Variants in PLXDC2 observed in about 807,000 individuals in gnomAD.
PLXDC2 encodes plexin domain containing 2.
A neutral mutation model predicts 68.9 loss-of-function variants in PLXDC2; 40 were observed. That is an observed-to-expected ratio of 0.58 (90% CI 0.45 to 0.76). PLXDC2 has a LOEUF of 0.76. PLXDC2 is among the 30% of genes least tolerant of loss of function. PLXDC2 has a pLI of 0.00. For synonymous variants in PLXDC2, 243 were observed against 234.2 expected, an observed-to-expected ratio of 1.04 and a Z score of -0.34; for missense variants, 644 against 661.9, an observed-to-expected ratio of 0.97 and a Z score of 0.30.
chr10:20,231,048 G>T (rs1269126012), intron 12 of PLXDC2, among the ~76,000 whole-genome samples: 1 of 151,292 alleles, frequency 6.6e-6, no homozygotes, highest in African/African-American at 2.4e-5. Context: ...AAAATGATAA[G>T]TATATGAGGT....
chr10:20,150,194 T>C (rs1216103005), intron 6 of PLXDC2, among the ~76,000 whole-genome samples: 1 of 152,212 alleles, frequency 6.6e-6, no homozygotes, highest in Non-Finnish European at 1.5e-5. Context: ...CATCCATCAT[T>C]ATGGTGTCCT....
chr10:20,076,814 A>G (rs1291273217), intron 4 of PLXDC2, among the ~76,000 whole-genome samples: 1 of 152,158 alleles, frequency 6.6e-6, no homozygotes, highest in Non-Finnish European at 1.5e-5. Context: ...CTTGATCACC[A>G]TGGCTATACC....
intron 2 of PLXDC2, among the ~76,000 whole-genome samples, chr10:20,023,101 A>G (rs1012673056): frequency 5.5e-5 from 8 of 145,258 alleles, no homozygotes; most frequent in African/African-American, 2.0e-4. Flanking sequence ...TATATATAAT[A>G]TTTTAAATAT....
chr10:20,230,817 C>G (rs1050899549), intron 12 of PLXDC2, among the ~76,000 whole-genome samples: 2 of 144,500 alleles, frequency 1.4e-5, no homozygotes, highest in African/African-American at 5.1e-5. Context: ...CTGACAACCA[C>G]TTTGTCATAA....
At chr10:20,130,394 G>A (rs969667343) in intron 4 of PLXDC2, among the ~76,000 whole-genome samples, 1 of 152,066 alleles carries the variant, frequency 6.6e-6, no homozygotes, top group Admixed American at 6.6e-5. Context: ...AATGCCAACA[G>A]GTTTTTGGAG....
At chr10:20,062,980 T>G (rs1836132019) in intron 3 of PLXDC2, among the ~76,000 whole-genome samples, 1 of 152,168 alleles carries the variant, frequency 6.6e-6, no homozygotes, top group Non-Finnish European at 1.5e-5. Flanking sequence ...TCAATATTTA[T>G]TTGATCTTAT....
chr10:20,267,851 T>C (rs1214399428), intron 13 of PLXDC2, among the ~76,000 whole-genome samples: 2 of 151,878 alleles, frequency 1.3e-5, no homozygotes, highest in Non-Finnish European at 2.9e-5. Context: ...TTTTTTTTTT[T>C]TATTTTTGAA....
chr10:20,117,771 A>T (rs976219074), intron 4 of PLXDC2, among the ~76,000 whole-genome samples: 3 of 152,196 alleles, frequency 2.0e-5, no homozygotes, highest in African/African-American at 4.8e-5. Context: ...AGAGTTGATG[A>T]ATTTTATGAG....
chr10:19,999,071 G>T (rs1394564428), intron 1 of PLXDC2, among the ~76,000 whole-genome samples: 1 of 152,096 alleles, frequency 6.6e-6, no homozygotes, highest in Non-Finnish European at 1.5e-5. Flanking sequence ...GAGAAGGAAG[G>T]CAGGAAGAAA....
At chr10:19,940,361 A>G (rs1833798339) in intron 1 of PLXDC2, among the ~76,000 whole-genome samples, 1 of 152,168 alleles carries the variant, frequency 6.6e-6, no homozygotes, top group African/African-American at 2.4e-5. Context: ...ATAGAATCAA[A>G]GAAACCATTT....
chr10:19,853,466 G>C (rs910782916), intron 1 of PLXDC2, among the ~76,000 whole-genome samples: 1 of 151,676 alleles, frequency 6.6e-6, no homozygotes, highest in Non-Finnish European at 1.5e-5. Flanking sequence ...ATGTTGCCAA[G>C]GCTGATATTG....
chr10:19,963,798 G>T (rs1392359548), intron 1 of PLXDC2, among the ~76,000 whole-genome samples: 1 of 151,640 alleles, frequency 6.6e-6, no homozygotes, highest in African/African-American at 2.4e-5. Context: ...TAACAAACCT[G>T]CACATTGTGC....
chr10:20,107,324 C>T (rs922590095), intron 4 of PLXDC2, among the ~76,000 whole-genome samples: 3 of 151,958 alleles, frequency 2.0e-5, no homozygotes, highest in Admixed American at 6.6e-5. Context: ...TGTTGTTTCC[C>T]GTTATCCATC....
chr10:19,871,209 T>G (rs896646076), intron 1 of PLXDC2, among the ~76,000 whole-genome samples: 2 of 152,222 alleles, frequency 1.3e-5, no homozygotes, highest in African/African-American at 2.4e-5. Flanking sequence ...CACCATTTTT[T>G]CTTCCTAAAG....
intron 12 of PLXDC2, among the ~76,000 whole-genome samples, chr10:20,231,622 CAG>C (rs565404303): frequency 3.5e-3 from 528 of 151,404 alleles, no homozygotes; most frequent in African/African-American, 0.012. Context: ...AGACAAATAA[CAG>C]AGAATATTAA....
chr10:19,857,945 G>T (rs1837245568), intron 1 of PLXDC2, among the ~76,000 whole-genome samples: 1 of 152,032 alleles, frequency 6.6e-6, no homozygotes, highest in Non-Finnish European at 1.5e-5. Context: ...TATATTTGTT[G>T]GGAGACTTTT....
chr10:20,053,115 A>G (rs1260607524), intron 3 of PLXDC2, among the ~76,000 whole-genome samples: 1 of 152,100 alleles, frequency 6.6e-6, no homozygotes, highest in Non-Finnish European at 1.5e-5. Flanking sequence ...TAAAACTTAG[A>G]AATCATTTAA....
chr10:19,839,517 G>T (rs1274574747), intron 1 of PLXDC2, among the ~76,000 whole-genome samples: 1 of 152,172 alleles, frequency 6.6e-6, no homozygotes, highest in Non-Finnish European at 1.5e-5. Context: ...ACTGGCCTGG[G>T]TTTGATTCCA....
intron 13 of PLXDC2, among the ~76,000 whole-genome samples, chr10:20,268,293 A>C (rs559853664): frequency 2.6e-5 from 4 of 152,358 alleles, no homozygotes; most frequent in South Asian, 2.1e-4. Context: ...ATTTAAAAAC[A>C]TACACCATTT....
Sources: allele counts gnomAD v4.1 joint callset (sites outside exome capture counted in the v4.1 genomes callset), GRCh38; gene constraint gnomAD v4.1.1; transcripts MANE v1.5; gene names NCBI Gene and HGNC (gene_info 2026-07-23, HGNC 2026-07-21).